CSNK1G3: variants seen among roughly 807,000 people sequenced by gnomAD.
The protein encoded by CSNK1G3 is casein kinase I isoform gamma-3.
CSNK1G3 carries 23 observed loss-of-function variants against 64.3 expected under a neutral mutation model. The observed-to-expected ratio is 0.36, with a 90% confidence interval of 0.26 to 0.51. The LOEUF (loss-of-function observed/expected upper bound fraction) is 0.51, where lower values mean the gene tolerates loss of function less well. Ranked by LOEUF, CSNK1G3 falls within the 20% of genes least tolerant of loss-of-function variation. The pLI is 0.96. For missense variants in CSNK1G3, 357 were observed against 510.5 expected (o/e 0.70, Z 2.90); for synonymous variants, 158 against 162.2 (o/e 0.97, Z 0.20).
intron 1 of CSNK1G3, among the ~76,000 whole-genome samples, chr5:123,534,151 T>C (rs1461537013): frequency 2.0e-5 from 3 of 152,186 alleles, no homozygotes; most frequent in African/African-American, 7.2e-5. Context: ...ACTAGAGCCC[T>C]TGTCATCAAA....
intron 10 of CSNK1G3, 53 bp from the exon 12 acceptor site, chr5:123,604,671 T>A: frequency 2.3e-6 from 2 of 878,234 alleles, no homozygotes; most frequent in Non-Finnish European, 3.6e-6. Flanking sequence ...TATGTATATT[T>A]ATGAGCATGT....
At chr5:123,578,612 G>T (rs954394227) in intron 6 of CSNK1G3, among the ~76,000 whole-genome samples, 1 of 151,672 alleles carries the variant, frequency 6.6e-6, no homozygotes, top group East Asian at 1.9e-4. Context: ...AAATATTTTT[G>T]AAGTCTAGTT....
intron 4 of CSNK1G3, among the ~76,000 whole-genome samples, chr5:123,571,811 A>C (rs1251260721): frequency 6.6e-6 from 1 of 152,182 alleles, no homozygotes; most frequent in Non-Finnish European, 1.5e-5. Context: ...TTTGTGGTGG[A>C]AGAAGTTCAT....
At chr5:123,545,619 C>T (rs1376518802) in exon 2 of CSNK1G3, 1 of 1,536,988 alleles carries the variant, frequency 6.5e-7, no homozygotes, top group Non-Finnish European at 9.0e-7. Context: ...TTTCAGTGTG[C>T]TTGTCTTGAT....
chr5:123,553,197 AAGT>A, intron 3 of CSNK1G3, 50 bp downstream of exon 3: 1 of 976,304 alleles, frequency 1.0e-6, no homozygotes. Flanking sequence ...GTTACTTTTT[AAGT>A]AACTTATATA....
chr5:123,573,262 T>C (rs1788475953), intron 4 of CSNK1G3, 131 bp from the exon 5 acceptor site: 2 of 922,800 alleles, frequency 2.2e-6, no homozygotes, highest in Admixed American at 2.2e-5. Context: ...TCAGGAAAAG[T>C]ATGTATCTGG....
intron 10 of CSNK1G3, 144 bp from the exon 11 acceptor site, chr5:123,594,895 A>G (rs771720799): frequency 6.7e-6 from 4 of 597,848 alleles, no homozygotes; most frequent in Non-Finnish European, 1.2e-5. Context: ...TCTGTATACA[A>G]AGATAACTGC....
intron 10 of CSNK1G3, among the ~76,000 whole-genome samples, chr5:123,604,374 A>G (rs1336442859): frequency 6.6e-6 from 1 of 152,094 alleles, no homozygotes; most frequent in Non-Finnish European, 1.5e-5. Context: ...TTCATGATAT[A>G]GCAAGGTGCC....
intron 4 of CSNK1G3, among the ~76,000 whole-genome samples, chr5:123,568,421 T>C (rs1010379919): frequency 1.3e-5 from 2 of 152,128 alleles, no homozygotes; most frequent in Admixed American, 1.3e-4. Flanking sequence ...CACAATCCGA[T>C]TGAGAAATGG....
intron 1 of CSNK1G3, among the ~76,000 whole-genome samples, chr5:123,515,553 A>G (rs1580815660): frequency 6.6e-6 from 1 of 152,206 alleles, no homozygotes; most frequent in South Asian, 2.1e-4. Context: ...ACAGTTCGGG[A>G]TTAACGTGTG....
chr5:123,559,772 G>A (rs1332262557), intron 4 of CSNK1G3, among the ~76,000 whole-genome samples: 1 of 149,450 alleles, frequency 6.7e-6, no homozygotes, highest in Non-Finnish European at 1.5e-5. Context: ...GAGCTTTGTA[G>A]AAAAACAAGA....
At chr5:123,554,804 CA>C (rs1784331049) in intron 3 of CSNK1G3, among the ~76,000 whole-genome samples, 1 of 152,198 alleles carries the variant, frequency 6.6e-6, no homozygotes, top group Non-Finnish European at 1.5e-5. Flanking sequence ...CAGCTCTACT[CA>C]TGGGAGCATG....
chr5:123,595,217 A>G (rs1793199147), intron 10 of CSNK1G3, 83 bp downstream of exon 11: 4 of 1,240,166 alleles, frequency 3.2e-6, no homozygotes, highest in Non-Finnish European at 3.4e-6. Context: ...GCATGATTTC[A>G]TATCTTAATG....
chr5:123,614,303 G>A (rs763246731), intron 12 of CSNK1G3, 39 bp from the exon 14 acceptor site: 10 of 1,585,748 alleles, frequency 6.3e-6, no homozygotes, highest in Non-Finnish European at 8.6e-6. Flanking sequence ...TGATATTTTA[G>A]TGCTTTTAAA....
chr5:123,519,632 G>T (rs1166121413), intron 1 of CSNK1G3, among the ~76,000 whole-genome samples: 1 of 152,138 alleles, frequency 6.6e-6, no homozygotes, highest in Non-Finnish European at 1.5e-5. Flanking sequence ...GAGGAAATGG[G>T]AGTTTCTTGG....
At chr5:123,534,008 C>T (rs1780398327) in intron 1 of CSNK1G3, among the ~76,000 whole-genome samples, 1 of 151,280 alleles carries the variant, frequency 6.6e-6, no homozygotes, top group Non-Finnish European at 1.5e-5. Context: ...TTCTTGGGAT[C>T]CTGTGCACGG....
chr5:123,562,573 A>G (rs1354358046), intron 4 of CSNK1G3, among the ~76,000 whole-genome samples: 3 of 152,076 alleles, frequency 2.0e-5, no homozygotes, highest in Admixed American at 6.6e-5. Context: ...AAAGTTTGAT[A>G]TTTTAATATT....
At chr5:123,517,041 A>G (rs1272018814) in intron 1 of CSNK1G3, among the ~76,000 whole-genome samples, 1 of 152,212 alleles carries the variant, frequency 6.6e-6, no homozygotes, top group Non-Finnish European at 1.5e-5. Flanking sequence ...CCTGCCACAT[A>G]GTAGGCACTG....
In CSNK1G3 at chr5:123,516,434, TC is replaced by T. The variant is rs971104932; in HGVS notation, c.-248+3865del. Among the ~76,000 whole-genome samples the T allele has an allele frequency of 2.0e-5, 3 of 152,294 alleles. No individual in the cohort carries two copies. In the South Asian group the frequency reaches 6.2e-4, roughly 32 times the overall value. On this transcript the variant is annotated intron_variant, in intron 1 of 12. Coordinates refer to ENST00000345990, the Ensembl canonical transcript of CSNK1G3. ...GTGGAGGCTGCTGTTAGACATTTTT[TC>T]TTTTTTTTAAGCTCTCTCTGAAAGC...
Sources: allele counts gnomAD v4.1 joint callset (sites outside exome capture counted in the v4.1 genomes callset), GRCh38; gene constraint gnomAD v4.1.1; transcripts MANE v1.5; gene names NCBI Gene and HGNC (gene_info 2026-07-23, HGNC 2026-07-21).